The following RGS6 variants were observed in gnomAD, a reference collection of about 807,000 sequenced individuals.
The protein encoded by RGS6 is regulator of G-protein signaling 6.
RGS6 carries 30 observed loss-of-function variants against 78.5 expected under a neutral mutation model. The observed-to-expected ratio is 0.38, with a 90% CI of 0.29 to 0.52. The LOEUF is 0.52. Among genes scored for constraint, RGS6 ranks in the 20% least tolerant of loss-of-function variants. The pLI is 0.85. For missense variants in RGS6, 495 were observed against 609.7 expected (o/e 0.81, Z 1.98); for synonymous variants, 206 against 206.0 (o/e 1.00, Z 0.00).
intron 3 of RGS6, among the ~76,000 whole-genome samples, chr14:72,363,999 T>TTA (rs2081988485): frequency 2.1e-5 from 1 of 46,756 alleles, no homozygotes; most frequent in African/African-American, 6.6e-5. Flanking sequence ...TGGACAAGGC[T>TTA]AAAAAAAAAA....
chr14:72,142,094 A>AC (rs959386409), intron 2 of RGS6, among the ~76,000 whole-genome samples: 2 of 152,140 alleles, frequency 1.3e-5, no homozygotes, highest in African/African-American at 4.8e-5. Context: ...GTCACCAGAT[A>AC]GTTACTGTTA....
chr14:72,045,400 A>T (rs2092752284), intron 2 of RGS6, among the ~76,000 whole-genome samples: 1 of 152,172 alleles, frequency 6.6e-6, no homozygotes, highest in South Asian at 2.1e-4. Context: ...CACAGACTAC[A>T]GTTGGCCTGT....
At chr14:72,313,693 A>G (rs2069251893) in intron 2 of RGS6, among the ~76,000 whole-genome samples, 1 of 152,186 alleles carries the variant, frequency 6.6e-6, no homozygotes, top group African/African-American at 2.4e-5. Context: ...AACCCAATAA[A>G]ATAAAGAACT....
chr14:72,181,100 C>A (rs928231074), intron 2 of RGS6, among the ~76,000 whole-genome samples: 1 of 152,202 alleles, frequency 6.6e-6, no homozygotes, highest in African/African-American at 2.4e-5. Context: ...GACATCCCTT[C>A]AGTGTCTCTA....
intron 3 of RGS6, among the ~76,000 whole-genome samples, chr14:72,423,086 A>G (rs1370165906): frequency 3.3e-5 from 5 of 152,220 alleles, no homozygotes; most frequent in African/African-American, 1.2e-4. Context: ...TGAGTCAGAG[A>G]GTTGAGTCAC....
At chr14:72,063,606 G>A (rs149462271) in intron 2 of RGS6, among the ~76,000 whole-genome samples, 42 of 152,178 alleles carry the variant, frequency 2.8e-4, no homozygotes, top group African/African-American at 9.9e-4. Flanking sequence ...TTAAAGATGG[G>A]GGTTATATTA....
intron 2 of RGS6, among the ~76,000 whole-genome samples, chr14:72,093,094 C>G (rs113226536): frequency 0.017 from 2,526 of 152,074 alleles, 57 homozygotes; most frequent in African/African-American, 0.057. Context: ...GCATTCAGCC[C>G]TGGAAGCAGA....
intron 2 of RGS6, among the ~76,000 whole-genome samples, chr14:72,337,264 T>A (rs1595952869): frequency 1.7e-5 from 1 of 59,524 alleles, no homozygotes; most frequent in Non-Finnish European, 3.3e-5. Context: ...CCCCACCACC[T>A]AACCAACACC....
intron 2 of RGS6, among the ~76,000 whole-genome samples, chr14:72,310,534 G>A (rs996484602): frequency 2.0e-5 from 3 of 152,198 alleles, no homozygotes; most frequent in African/African-American, 7.2e-5. Context: ...TTGGGGAAAA[G>A]CGTTGGAAGA....
At chr14:72,145,141 A>C (rs1407508484) in intron 2 of RGS6, among the ~76,000 whole-genome samples, 1 of 152,160 alleles carries the variant, frequency 6.6e-6, no homozygotes, top group African/African-American at 2.4e-5. Context: ...TATCTCAAGA[A>C]CTGATGTTAG....
chr14:72,206,577 G>T (rs560312408), intron 2 of RGS6, among the ~76,000 whole-genome samples: 78 of 152,164 alleles, frequency 5.1e-4, no homozygotes, highest in African/African-American at 1.8e-3. Context: ...CCACATCGCT[G>T]GGGAGGCCTC....
intron 2 of RGS6, among the ~76,000 whole-genome samples, chr14:72,306,327 A>G (rs1045675665): frequency 2.6e-5 from 4 of 152,246 alleles, no homozygotes; most frequent in Non-Finnish European, 5.9e-5. Flanking sequence ...AATGTGTAAT[A>G]CAAGGCATGT....
At chr14:72,440,336 A>C (rs1247251570) in intron 3 of RGS6, among the ~76,000 whole-genome samples, 1 of 151,992 alleles carries the variant, frequency 6.6e-6, no homozygotes, top group Non-Finnish European at 1.5e-5. Context: ...TACTGCAAGC[A>C]GGCAGTTAAG....
At chr14:72,489,161 C>CCCG (rs1019318917) in intron 12 of RGS6, among the ~76,000 whole-genome samples, 5 of 150,018 alleles carry the variant, frequency 3.3e-5, no homozygotes, top group African/African-American at 7.3e-5. Context: ...AGGGGGCCCC[C>CCCG]CCACCGGCTG....
intron 2 of RGS6, among the ~76,000 whole-genome samples, chr14:72,062,037 A>G (rs781718471): frequency 1.3e-5 from 2 of 152,262 alleles, no homozygotes; most frequent in Non-Finnish European, 2.9e-5. Context: ...ACAGTGTGGT[A>G]TCAATGATGA....
intron 2 of RGS6, among the ~76,000 whole-genome samples, chr14:72,313,194 C>T (rs2239252): frequency 0.055 from 8,391 of 152,300 alleles, 357 homozygotes; most frequent in East Asian, 0.26. Flanking sequence ...TGAAATGACA[C>T]AGATGCTACA....
intron 2 of RGS6, among the ~76,000 whole-genome samples, chr14:72,070,501 A>T (rs1597077053): frequency 6.6e-6 from 1 of 152,072 alleles, no homozygotes; most frequent in Non-Finnish European, 1.5e-5. Flanking sequence ...GTTTCCTTGC[A>T]CTCCAGGAAT....
intron 7 of RGS6, among the ~76,000 whole-genome samples, chr14:72,468,413 T>G (rs948136185): frequency 6.6e-6 from 1 of 151,692 alleles, no homozygotes; most frequent in Non-Finnish European, 1.5e-5. Context: ...AGATGTGCTC[T>G]CAGGTTGAAG....
the RGS6 span, among the ~76,000 whole-genome samples, chr14:71,917,986 A>C: frequency 2.0e-5 from 3 of 152,000 alleles, no homozygotes; most frequent in African/African-American, 7.2e-5. Flanking sequence ...ATCCTGGCTA[A>C]CACGGCGAAA....
Sources: gnomAD v4.1 joint callset for allele counts (sites outside exome capture counted in the v4.1 genomes callset) on GRCh38, gnomAD v4.1.1 for gene constraint, MANE v1.5 for transcripts, NCBI Gene and HGNC (gene_info 2026-07-23, HGNC 2026-07-21) for gene names.